Variants in CCDC73 observed in about 807,000 individuals in gnomAD.
CCDC73 encodes the protein coiled-coil domain-containing protein 73.
A neutral mutation model predicts 116.5 loss-of-function variants in CCDC73; 95 were observed. The ratio of observed to expected loss-of-function variants is 0.82; its 90% CI spans 0.69 to 0.97. The LOEUF is 0.97. Among genes scored for constraint, CCDC73 ranks in the 50% least tolerant of loss-of-function variants. CCDC73 has a pLI of 0.00. For synonymous variants in CCDC73, 398 were observed against 401.3 expected (o/e 0.99, Z 0.10); for missense variants, 1,066 against 1,206.8 (o/e 0.88, Z 1.73).
At chr11:32,762,386 A>C (rs938852010) in intron 1 of CCDC73, among the ~76,000 whole-genome samples, 8 of 152,230 alleles carry the variant, frequency 5.3e-5, no homozygotes, top group Admixed American at 3.9e-4. Context: ...CCCTGTGGGC[A>C]TTTGGCAAAT....
In CCDC73 at chr11:32,635,752, C is replaced by T. The variant is rs759286887; in HGVS notation, c.1129G>A (p.Glu377Lys). The T allele has an allele frequency of 1.5e-6, 2 of 1,292,668 alleles. No individual in the cohort carries two copies. Among genetic ancestry groups the T allele is most frequent in the South Asian group, 2.3e-5 (1 of 43,822 alleles). The allele number at this position is 1,292,668 out of a possible 1,614,324, so 80.1% of individuals were successfully genotyped here. Residue 377 changes from glutamate (E) to lysine (K), a missense_variant, in exon 14 of 18, where the codon GAA becomes AAA. Physicochemically the swap from Glu to Lys is moderately conservative, Grantham distance 56. Transcript: ENST00000335185. ...SLKETHIKLQEHYNKLCNQKT... is the reference protein window; with the variant it reads ...SLKETHIKLQKHYNKLCNQKT... ...TGATTGCATAATTTGTTATAATGTTCTTGTAACTTAATATGAGTTTCTTTA... is the reference window on the plus strand; with the variant it reads ...TGATTGCATAATTTGTTATAATGTTTTTGTAACTTAATATGAGTTTCTTTA...
chr11:32,614,131 A>G lies in CCDC73; in HGVS notation c.2187T>C (p.Asn729=). The G allele has an allele frequency of 1.9e-6, 3 of 1,613,752 alleles. No homozygotes were observed. Among genetic ancestry groups the G allele is most frequent in the Non-Finnish European group, 2.5e-6 (3 of 1,179,854 alleles). ...SKLLLKNSDK[N]VHSMSMLVKP... is the part of the protein sequence containing the mutation. ...TCACCAACATAGACATACTATGGAC[A>G]TTTTTATCTGAGTTCTTCAGAAGTA... Residue 729 remains asparagine (N), a synonymous_variant, in exon 16 of 18, where the codon AAT becomes AAC. Coordinates refer to ENST00000335185, the MANE Select transcript of CCDC73 (RefSeq NM_001008391.4).
At chr11:32,733,002 G>T (rs1034375297) in intron 2 of CCDC73, among the ~76,000 whole-genome samples, 1 of 152,168 alleles carries the variant, frequency 6.6e-6, no homozygotes, top group Non-Finnish European at 1.5e-5. Flanking sequence ...AGAACCATCA[G>T]CTTGCTGTAT....
At chr11:32,804,708 A>T in the CCDC73 span, among the ~76,000 whole-genome samples, 1 of 152,164 alleles carries the variant, frequency 6.6e-6, no homozygotes, top group African/African-American at 2.4e-5. Flanking sequence ...GATTTAGTCC[A>T]TTTGTTTTAT....
intron 2 of CCDC73, among the ~76,000 whole-genome samples, chr11:32,747,529 C>A (rs1311966368): frequency 6.6e-6 from 1 of 152,196 alleles, no homozygotes; most frequent in Non-Finnish European, 1.5e-5. Flanking sequence ...TATGCCCTGC[C>A]ACCAGAGGTG....
chr11:32,793,598 G>T (rs1404285017), intron 1 of CCDC73, among the ~76,000 whole-genome samples: 6 of 144,504 alleles, frequency 4.2e-5, no homozygotes, highest in Non-Finnish European at 1.5e-5. Context: ...GCAATGACAT[G>T]AATAATTTAT....
At chr11:32,603,390 T>G (rs1418012024) in intron 17 of CCDC73, 1 of 163,362 alleles carries the variant, frequency 6.1e-6, no homozygotes, top group East Asian at 1.7e-4. Flanking sequence ...AAATAACTTT[T>G]TCATTTTAAG....
At position 32,699,595 on chromosome 11, in the gene CCDC73, G is replaced by A. The variant is rs187969694; in HGVS notation, c.316-270C>T. On this transcript the variant is annotated intron_variant, in intron 5 of 17. Coordinates refer to ENST00000335185, the MANE Select transcript of CCDC73 (RefSeq NM_001008391.4). ...TGTCCTTTGTAGGGACATGGATGAA[G>A]CTGGAAACCATCATTCTCAGCAAAC... 1.3e-3 allele frequency among the ~76,000 whole-genome samples: 195 copies of A among 152,160 alleles called. 5 individuals are homozygous for A. Among genetic ancestry groups the A allele is most frequent in the Admixed American group, 0.012 (188 of 15,278 alleles).
intron 17 of CCDC73, among the ~76,000 whole-genome samples, chr11:32,608,556 G>A (rs576834831): frequency 3.9e-5 from 6 of 152,292 alleles, no homozygotes; most frequent in African/African-American, 1.4e-4. Context: ...AGTGTCTGTG[G>A]CTTTTCCAGA....
intron 12 of CCDC73, among the ~76,000 whole-genome samples, chr11:32,645,974 C>T (rs1189321939): frequency 6.6e-6 from 1 of 152,150 alleles, no homozygotes; most frequent in Non-Finnish European, 1.5e-5. Flanking sequence ...AGTACTTTAA[C>T]ATTCTAACAA....
chr11:32,800,011 A>T, the CCDC73 span, among the ~76,000 whole-genome samples: 52 of 152,352 alleles, frequency 3.4e-4, no homozygotes, highest in African/African-American at 1.2e-3. Context: ...ATATTAATGG[A>T]TAAATATTTA....
At chr11:32,704,442 C>A (rs1194553464) in intron 3 of CCDC73, among the ~76,000 whole-genome samples, 1 of 152,192 alleles carries the variant, frequency 6.6e-6, no homozygotes, top group Non-Finnish European at 1.5e-5. Flanking sequence ...CTGCCTTGGC[C>A]CCCTCTGGAA....
At position 32,692,049 on chromosome 11, in the gene CCDC73, CAAAA is replaced by C. The variant is rs1173539877; in HGVS notation, c.390+7198_390+7201del. Among the ~76,000 whole-genome samples the C allele has an allele frequency of 3.6e-4, 22 of 60,756 alleles. No homozygotes were observed. In the Admixed American group the frequency reaches 4.0e-3, roughly 11 times the overall value. 39.9% of individuals were successfully genotyped at this position (60,756 alleles called of 152,430 possible). A position where few individuals can be genotyped will look rare whatever the true frequency, so the allele number is the denominator to read the frequency against. On this transcript the variant is annotated intron_variant, in intron 6 of 17. Coordinates refer to ENST00000335185, the MANE Select transcript of CCDC73 (RefSeq NM_001008391.4). ...GGCAACAGAGCAAGACTCCGTCTCA[CAAAA>C]AAAAAAAAAAAAAAAAAAGCCATCA...
At chr11:32,638,526 G>C (rs762449041) in intron 13 of CCDC73, among the ~76,000 whole-genome samples, 3 of 151,918 alleles carry the variant, frequency 2.0e-5, no homozygotes, top group Non-Finnish European at 4.4e-5. Flanking sequence ...CTCTCGCCAG[G>C]CTGGAGCACA....
chr11:32,760,951 C>T (rs1477234315), intron 1 of CCDC73, among the ~76,000 whole-genome samples: 1 of 152,110 alleles, frequency 6.6e-6, no homozygotes, highest in African/African-American at 2.4e-5. Flanking sequence ...TAGCACTTTA[C>T]CAGTTATACA....
chr11:32,728,816 T>A (rs1032985673), intron 2 of CCDC73, among the ~76,000 whole-genome samples: 2 of 152,174 alleles, frequency 1.3e-5, no homozygotes, highest in Admixed American at 1.3e-4. Flanking sequence ...GCAATTCTCC[T>A]GCCTCAGCCT....
rs762323220 is a variant in CCDC73 at position 32,613,600 on chromosome 11, G to T, written c.2718C>A (p.Asp906Glu). The change falls in exon 16 of 18, where the codon GAC (aspartate) becomes GAA (glutamate). Residue 906 changes from aspartate to glutamate, a missense_variant. By Grantham distance (45) the Asp-to-Glu change is conservative. Coordinates refer to ENST00000335185, the MANE Select transcript of CCDC73 (RefSeq NM_001008391.4). ...EKTPVYMNFS[D>E]PGPWSKVNHI... ...GATTTACTTTTGACCAAGGACCGGG[G>T]TCTGAAAAATTCATGTATACTGGAG... is the stretch of plus-strand genomic sequence containing the variant. 1.2e-6 allele frequency: 2 copies of T among 1,614,050 alleles called. No individual in the cohort carries two copies. Among genetic ancestry groups the T allele is most frequent in the South Asian group, 1.1e-5 (1 of 91,066 alleles).
At chr11:32,766,986 G>C (rs1481905005) in intron 1 of CCDC73, among the ~76,000 whole-genome samples, 1 of 152,134 alleles carries the variant, frequency 6.6e-6, no homozygotes, top group Non-Finnish European at 1.5e-5. Flanking sequence ...AGTTCATATG[G>C]AATCAAAGAA....
At chr11:32,745,711 T>C (rs1850230052) in intron 2 of CCDC73, among the ~76,000 whole-genome samples, 1 of 140,110 alleles carries the variant, frequency 7.1e-6, no homozygotes, top group African/African-American at 2.7e-5. Context: ...TTGCAACCCC[T>C]GGTTTTTGTT....
Sources: allele counts gnomAD v4.1 joint callset (sites outside exome capture counted in the v4.1 genomes callset), GRCh38; gene constraint gnomAD v4.1.1; transcripts MANE v1.5; gene names NCBI Gene and HGNC (gene_info 2026-07-23, HGNC 2026-07-21).